Variants in KCNH1 observed in about 807,000 individuals in gnomAD.
KCNH1 encodes the protein voltage-gated delayed rectifier potassium channel KCNH1.
A neutral mutation model predicts 69.2 loss-of-function variants in KCNH1; 27 were observed. The observed-to-expected ratio is 0.39, with a 90% CI of 0.29 to 0.54. The LOEUF is 0.54. Among genes scored for constraint, KCNH1 ranks in the 20% least tolerant of loss-of-function variants. The probability of loss-of-function intolerance (pLI) is 0.68; values close to 1 mark genes in which losing one functional copy is unlikely to be tolerated. For synonymous variants in KCNH1, 456 were observed against 487.7 expected (o/e 0.93, Z 0.86); for missense variants, 798 against 1,261.6 (o/e 0.63, Z 5.57).
At chr1:210,757,100 G>A (rs1683415326) in intron 10 of KCNH1, among the ~76,000 whole-genome samples, 1 of 152,210 alleles carries the variant, frequency 6.6e-6, no homozygotes, top group South Asian at 2.1e-4. Flanking sequence ...GATCCTAGGA[G>A]TGCAGTCCTG....
intron 10 of KCNH1, among the ~76,000 whole-genome samples, chr1:210,712,329 C>T (rs1682098880): frequency 6.6e-6 from 1 of 152,190 alleles, no homozygotes; most frequent in South Asian, 2.1e-4. Context: ...GAAGTTTTCA[C>T]ATCAAATCAA....
chr1:210,839,074 A>C (rs1685350679), intron 7 of KCNH1, among the ~76,000 whole-genome samples: 1 of 152,200 alleles, frequency 6.6e-6, no homozygotes, highest in African/African-American at 2.4e-5. Flanking sequence ...TACCCAAAGG[A>C]ATATAAGTCA....
At chr1:210,808,693 G>T (rs952834203) in intron 7 of KCNH1, among the ~76,000 whole-genome samples, 5 of 152,064 alleles carry the variant, frequency 3.3e-5, no homozygotes, top group African/African-American at 1.2e-4. Context: ...ACCATGGCCA[G>T]CCCCTAATTT....
chr1:210,743,937 G>C (rs1355366864), intron 10 of KCNH1, among the ~76,000 whole-genome samples: 2 of 152,160 alleles, frequency 1.3e-5, no homozygotes, highest in African/African-American at 4.8e-5. Context: ...CCAGGGGCTG[G>C]GGGCTTCTAC....
intron 5 of KCNH1, among the ~76,000 whole-genome samples, chr1:211,041,298 T>G (rs1001485667): frequency 6.6e-6 from 1 of 152,164 alleles, no homozygotes; most frequent in East Asian, 1.9e-4. Flanking sequence ...TTCTTCCTTC[T>G]CACTCTCCTT....
chr1:211,110,718 T>A (rs4951505), intron 1 of KCNH1, among the ~76,000 whole-genome samples: 113,846 of 151,964 alleles, frequency 0.75, 43,099 homozygotes, highest in African/African-American at 0.85. Flanking sequence ...ACAGCTGATT[T>A]AAAAAATGGT....
At chr1:210,754,227 T>A (rs919475585) in intron 10 of KCNH1, among the ~76,000 whole-genome samples, 5 of 152,054 alleles carry the variant, frequency 3.3e-5, no homozygotes, top group African/African-American at 7.3e-5. Flanking sequence ...CCCAGACTAA[T>A]GTTTATCTCT....
intron 7 of KCNH1, among the ~76,000 whole-genome samples, chr1:210,902,455 A>G (rs922823955): frequency 6.6e-6 from 1 of 152,144 alleles, no homozygotes; most frequent in East Asian, 1.9e-4. Flanking sequence ...CTCTGTGCAC[A>G]TGGTGGTGGG....
At chr1:211,040,639 A>T (rs1689978908) in intron 5 of KCNH1, among the ~76,000 whole-genome samples, 1 of 152,136 alleles carries the variant, frequency 6.6e-6, no homozygotes, top group Non-Finnish European at 1.5e-5. Flanking sequence ...ACACCTTGAA[A>T]ATTTTTCGTG....
At chr1:211,048,486 T>C (rs1690133340) in intron 5 of KCNH1, among the ~76,000 whole-genome samples, 1 of 151,922 alleles carries the variant, frequency 6.6e-6, no homozygotes, top group South Asian at 2.1e-4. Flanking sequence ...TATACATATA[T>C]ACATATACCA....
chr1:210,708,379 A>G (rs887251003), intron 10 of KCNH1, among the ~76,000 whole-genome samples: 8 of 152,024 alleles, frequency 5.3e-5, no homozygotes, highest in Non-Finnish European at 1.0e-4. Flanking sequence ...TTCTGAACAT[A>G]GCATGATCTC....
rs373400009 is a variant in KCNH1, at chr1:210,898,543, G to A, written c.1462+21097C>T. Reference sequence around the variant, plus strand: ...ATGGGGCTTACTGACAGTCCAGAGAGTGAACTGGCTGGGACTGCCTAGGAA... The same window carrying A: ...ATGGGGCTTACTGACAGTCCAGAGAATGAACTGGCTGGGACTGCCTAGGAA... On this transcript the variant is annotated intron_variant, in intron 7 of 10. Coordinates refer to ENST00000271751, the MANE Select transcript of KCNH1 (RefSeq NM_172362.3). Among the ~76,000 whole-genome samples, 3 of 152,316 alleles carry A rather than the reference G, an allele frequency of 2.0e-5. 1 individual carries two copies. Among genetic ancestry groups the A allele is most frequent in the African/African-American group, 7.2e-5 (3 of 41,576 alleles).
intron 6 of KCNH1, among the ~76,000 whole-genome samples, chr1:211,002,172 A>G (rs550283816): frequency 6.6e-6 from 1 of 152,176 alleles, no homozygotes; most frequent in Non-Finnish European, 1.5e-5. Context: ...CGTTGCGCAC[A>G]TGTACCCTAG....
chr1:211,059,958 T>C (rs1690400631), intron 5 of KCNH1, among the ~76,000 whole-genome samples: 1 of 152,138 alleles, frequency 6.6e-6, no homozygotes, highest in African/African-American at 2.4e-5. Flanking sequence ...CATGAATAAT[T>C]CTTAAGGAAA....
At chr1:210,799,746 C>G (rs572713932) in intron 8 of KCNH1, among the ~76,000 whole-genome samples, 1 of 152,336 alleles carries the variant, frequency 6.6e-6, no homozygotes, top group South Asian at 2.1e-4. Flanking sequence ...ACCTCTGCTT[C>G]TCTGCCTTAG....
At chr1:210,964,871 A>T (rs763021793) in intron 6 of KCNH1, among the ~76,000 whole-genome samples, 6 of 152,214 alleles carry the variant, frequency 3.9e-5, no homozygotes, top group Non-Finnish European at 7.3e-5. Context: ...TGGCAAACCG[A>T]ATCCAGCAGC....
chr1:210,954,793 G>A (rs1490345935), intron 6 of KCNH1, among the ~76,000 whole-genome samples: 1 of 152,110 alleles, frequency 6.6e-6, no homozygotes, highest in Non-Finnish European at 1.5e-5. Flanking sequence ...TGTAGATTCT[G>A]GATATTAGCC....
chr1:210,708,309 C>A (rs1681965628), intron 10 of KCNH1, among the ~76,000 whole-genome samples: 1 of 152,096 alleles, frequency 6.6e-6, no homozygotes, highest in African/African-American at 2.4e-5. Context: ...TTCAATGATT[C>A]CACTTCCTTG....
chr1:210,702,061 T>A (rs77210089), intron 10 of KCNH1, among the ~76,000 whole-genome samples: 2,579 of 152,310 alleles, frequency 0.017, 35 homozygotes, highest in Middle Eastern at 0.031. Flanking sequence ...TTTCAATGTA[T>A]TTGTTTATTA....
Sources: allele counts gnomAD v4.1 joint callset (sites outside exome capture counted in the v4.1 genomes callset), GRCh38; gene constraint gnomAD v4.1.1; transcripts MANE v1.5; gene names NCBI Gene and HGNC (gene_info 2026-07-23, HGNC 2026-07-21).